LRBA: variants seen among roughly 807,000 people sequenced by gnomAD.
The protein encoded by LRBA is LPS responsive beige-like anchor protein, also known as lipopolysaccharide-responsive and beige-like anchor protein.
A neutral mutation model predicts 330.0 loss-of-function variants in LRBA; 176 were observed. That is an observed-to-expected ratio of 0.53 (90% CI 0.47 to 0.60). The LOEUF is 0.60. LRBA is among the 20% of genes least tolerant of loss of function. The pLI is 0.00. For missense variants in LRBA, 3,259 were observed against 3,444.8 expected, an observed-to-expected ratio of 0.95 and a Z score of 1.35; for synonymous variants, 1,230 against 1,193.0, an observed-to-expected ratio of 1.03 and a Z score of -0.64.
intron 28 of LRBA, among the ~76,000 whole-genome samples, chr4:150,832,557 C>T (rs1284157836): frequency 6.6e-6 from 1 of 152,188 alleles, no homozygotes; most frequent in African/African-American, 2.4e-5. Context: ...GATCGCATCA[C>T]TGCACTCAAG....
At chr4:150,624,256 G>C (rs1406049702) in intron 37 of LRBA, among the ~76,000 whole-genome samples, 4 of 150,226 alleles carry the variant, frequency 2.7e-5, no homozygotes, top group African/African-American at 4.9e-5. Context: ...ATATGAAAAT[G>C]CAGTCATTCA....
In LRBA at chr4:150,914,093, CT is replaced by C. The variant is rs372369181; in HGVS notation, c.1161+101del. ...GTATCAAATAGTAGGTCTCATTTTTCTTTTTTTTTTTTGTATCCATTAACCA... is the reference window on the plus strand; with the variant it reads ...GTATCAAATAGTAGGTCTCATTTTTCTTTTTTTTTTTGTATCCATTAACCA... On this transcript the variant is annotated intron_variant, in intron 9 of 56. Transcript: ENST00000651943. 92,358 of 643,166 alleles carry C rather than the reference CT, an allele frequency of 0.14. 189 individuals are homozygous for C. Among genetic ancestry groups the C allele is most frequent in the East Asian group, 0.17 (4,541 of 26,048 alleles). 39.8% of individuals were successfully genotyped at this position (643,166 alleles called of 1,614,324 possible).
intron 47 of LRBA, among the ~76,000 whole-genome samples, chr4:150,374,528 G>A (rs887428003): frequency 1.3e-5 from 2 of 152,224 alleles, no homozygotes; most frequent in East Asian, 1.9e-4. Flanking sequence ...AGAGAAAAAC[G>A]AGAAGATATA....
chr4:150,640,437 A>T (rs1055886229), intron 37 of LRBA, among the ~76,000 whole-genome samples: 2 of 152,206 alleles, frequency 1.3e-5, no homozygotes, highest in South Asian at 2.1e-4. Flanking sequence ...TGCATACTAC[A>T]TATATTTTTA....
intron 36 of LRBA, among the ~76,000 whole-genome samples, chr4:150,700,861 G>A: frequency 6.6e-6 from 1 of 151,454 alleles, no homozygotes; most frequent in Non-Finnish European, 1.5e-5. Context: ...GGGCTCGAGT[G>A]ATTCTCCCAC....
At chr4:150,418,428 A>G (rs1046611524) in intron 46 of LRBA, among the ~76,000 whole-genome samples, 2 of 152,208 alleles carry the variant, frequency 1.3e-5, no homozygotes, top group Non-Finnish European at 2.9e-5. Flanking sequence ...GAATTTTTAA[A>G]TAAGTGATAT....
intron 17 of LRBA, among the ~76,000 whole-genome samples, chr4:150,873,769 C>T (rs1753705620): frequency 6.6e-6 from 1 of 152,008 alleles, no homozygotes; most frequent in Non-Finnish European, 1.5e-5. Flanking sequence ...ATATCAGTAT[C>T]CTCCTAGATC....
Position 150,335,436 on chromosome 4 carries a change from T to C in LRBA, c.7363-9538A>G, listed in dbSNP as rs1045651233. ...ATATATACACACATATATACATATA[T>C]ATATACACGTATATATGTGTATATA... On this transcript the variant is annotated intron_variant, in intron 48 of 56. Transcript: ENST00000651943. Among the ~76,000 whole-genome samples the C allele has an allele frequency of 6.7e-5, 10 of 148,894 alleles. 1 individual carries two copies. The highest frequency in any genetic ancestry group is 2.5e-4 in the African/African-American group (10 of 40,746).
Position 150,523,002 on chromosome 4 carries a change from G to A in LRBA, c.6331-31967C>T, listed in dbSNP as rs191455853. ...TGTCCCACAGTTGTATTTTGAAGGC[G>A]GTAACTTGTTTGATTTCACAGGTTC... On this transcript the variant is annotated intron_variant, in intron 40 of 56. Transcript: ENST00000651943. Among the ~76,000 whole-genome samples the A allele has an allele frequency of 3.0e-4, 45 of 152,198 alleles. No homozygotes were observed. The East Asian group carries it at 6.4e-3, about 22-fold the overall frequency.
rs978817218 is a variant in LRBA at position 150,355,720 on chromosome 4, A to T, written c.7195-5561T>A. 2.6e-5 allele frequency among the ~76,000 whole-genome samples: 4 copies of T among 152,202 alleles called. No individual in the cohort carries two copies. In the East Asian group the frequency reaches 7.7e-4, roughly 29 times the overall value. ...CTCCTGACTTGAAATACATTTACTT[A>T]TAAGATGTATTTAATCGTATTTATA... is the stretch of plus-strand genomic sequence containing the variant. On this transcript the variant is annotated intron_variant, in intron 47 of 56. Transcript: ENST00000651943.
At chr4:150,803,040 A>T (rs1489035908) in intron 33 of LRBA, among the ~76,000 whole-genome samples, 2 of 145,284 alleles carry the variant, frequency 1.4e-5, no homozygotes, top group Non-Finnish European at 1.5e-5. Flanking sequence ...AAAAAAAAAA[A>T]AACTAAAAAC....
Position 150,945,313 on chromosome 4 carries a change from T to C in LRBA, c.217-16248A>G, listed in dbSNP as rs187436539. On this transcript the variant is annotated intron_variant, in intron 2 of 56. Coordinates refer to ENST00000651943, the MANE Select transcript of LRBA (RefSeq NM_001364905.1). Reference sequence around the variant, plus strand: ...ACTGAAACATTAGATATAGCCTAAATATCCAGCAATAGAGAGATACTTATA... The same window carrying C: ...ACTGAAACATTAGATATAGCCTAAACATCCAGCAATAGAGAGATACTTATA... 3.1e-3 allele frequency among the ~76,000 whole-genome samples: 467 copies of C among 152,266 alleles called. 10 individuals are homozygous for C. The highest frequency in any genetic ancestry group is 0.029 in the Admixed American group (449 of 15,286).
Position 150,381,293 on chromosome 4 carries a change from T to C in LRBA, c.7195-31134A>G, listed in dbSNP as rs540572753. Among the ~76,000 whole-genome samples, 8 of 152,276 alleles carry C rather than the reference T, an allele frequency of 5.3e-5. No individual in the cohort carries two copies. In the East Asian group the frequency reaches 1.4e-3, roughly 26 times the overall value. Reference sequence around the variant, plus strand: ...TCACAAAGCTGTGCAAACATCACCATTAAATTCAGAGCCCTTTCATCACAC... The same window carrying C: ...TCACAAAGCTGTGCAAACATCACCACTAAATTCAGAGCCCTTTCATCACAC... On this transcript the variant is annotated intron_variant, in intron 47 of 56. Transcript: ENST00000651943.
At chr4:150,728,403 T>G (rs1729983406) in intron 36 of LRBA, among the ~76,000 whole-genome samples, 1 of 151,936 alleles carries the variant, frequency 6.6e-6, no homozygotes, top group African/African-American at 2.4e-5. Context: ...AAAAGAAAAC[T>G]ATAGGCCAAT....
At chr4:150,443,607 A>G (rs1561185098) in intron 44 of LRBA, among the ~76,000 whole-genome samples, 3 of 151,978 alleles carry the variant, frequency 2.0e-5, no homozygotes, top group South Asian at 4.1e-4. Flanking sequence ...ACAAAAAACC[A>G]AACACCGCAT....
intron 37 of LRBA, among the ~76,000 whole-genome samples, chr4:150,664,447 T>C (rs1032585590): frequency 6.6e-6 from 1 of 152,212 alleles, no homozygotes; most frequent in Non-Finnish European, 1.5e-5. Context: ...TAATAGCCTG[T>C]CACTGACATT....
At chr4:150,909,890 T>C (rs1199448745) in intron 9 of LRBA, among the ~76,000 whole-genome samples, 1 of 152,200 alleles carries the variant, frequency 6.6e-6, no homozygotes. Flanking sequence ...TAGTTTAAAT[T>C]AGCATTTTTC....
chr4:150,417,280 G>A (rs952978755), intron 46 of LRBA, among the ~76,000 whole-genome samples: 1 of 151,964 alleles, frequency 6.6e-6, no homozygotes, highest in Non-Finnish European at 1.5e-5. Context: ...TTTTTGTAAT[G>A]TGATTTATCC....
chr4:150,914,869 T>C (rs757044012), intron 8 of LRBA, among the ~76,000 whole-genome samples: 2 of 152,132 alleles, frequency 1.3e-5, no homozygotes, highest in African/African-American at 4.8e-5. Flanking sequence ...ATGGATATTA[T>C]CTCATTTAAT....
Sources: gnomAD v4.1 joint callset for allele counts (sites outside exome capture counted in the v4.1 genomes callset) on GRCh38, gnomAD v4.1.1 for gene constraint, MANE v1.5 for transcripts, NCBI Gene and HGNC (gene_info 2026-07-23, HGNC 2026-07-21) for gene names.